AGAP1: variants seen among roughly 807,000 people sequenced by gnomAD.
The protein encoded by AGAP1 is ArfGAP with GTPase domain, ankyrin repeat and PH domain 1, also known as arf-GAP with GTPase, ANK repeat and PH domain-containing protein 1.
A neutral mutation model predicts 105.3 loss-of-function variants in AGAP1; 29 were observed. The ratio of observed to expected loss-of-function variants is 0.28; its 90% confidence interval spans 0.21 to 0.38. The LOEUF (loss-of-function observed/expected upper bound fraction) is 0.38. Ranked by LOEUF, AGAP1 falls within the 10% of genes least tolerant of loss-of-function variation. The pLI, the probability that AGAP1 is intolerant of heterozygous loss-of-function variation, is 1.00. For missense variants in AGAP1, 998 were observed against 1,165.1 expected, an observed-to-expected ratio of 0.86 and a Z score of 2.09; for synonymous variants, 509 against 485.9, an observed-to-expected ratio of 1.05 and a Z score of -0.63.
At chr2:235,856,833 C>G (rs967330356) in intron 9 of AGAP1, among the ~76,000 whole-genome samples, 4 of 152,238 alleles carry the variant, frequency 2.6e-5, no homozygotes, top group African/African-American at 9.6e-5. Flanking sequence ...ACACTCAGAC[C>G]TGAAGGCCTC....
chr2:235,643,036 G>A (rs1268577220), intron 1 of AGAP1, among the ~76,000 whole-genome samples: 6 of 152,120 alleles, frequency 3.9e-5, no homozygotes, highest in Non-Finnish European at 7.3e-5. Context: ...TACACAGTTG[G>A]GACAGACTCC....
Position 235,824,657 on chromosome 2 carries a change from T to C in AGAP1, c.1050+17326T>C, listed in dbSNP as rs1958970254. ...TCTGCATGCTCCTTTTCCCCCTTTT[T>C]GTTGTTGCATTCAGTTAACAGTGAC... On this transcript the variant is annotated intron_variant, in intron 9 of 17. Coordinates refer to ENST00000304032, the MANE Select transcript of AGAP1 (RefSeq NM_001037131.3). The surrounding 1 kb of genome is among the most constrained non-coding windows in gnomAD (Gnocchi z 5.2). Among the ~76,000 whole-genome samples, 1 of 152,212 alleles carries C rather than the reference T, an allele frequency of 6.6e-6. No individual in the cohort carries two copies. Among genetic ancestry groups the C allele is most frequent in the South Asian group, 2.1e-4 (1 of 4,830 alleles).
intron 1 of AGAP1, among the ~76,000 whole-genome samples, chr2:235,684,937 G>T (rs775771006): frequency 1.3e-5 from 2 of 152,160 alleles, no homozygotes; most frequent in African/African-American, 2.4e-5. Context: ...TGGCATACAA[G>T]TCACCATGGC....
intron 1 of AGAP1, among the ~76,000 whole-genome samples, chr2:235,532,651 T>C (rs1943082994): frequency 6.6e-6 from 1 of 152,382 alleles, no homozygotes; most frequent in South Asian, 2.1e-4. Context: ...CATGGATGTA[T>C]TGAGATGGAC....
At chr2:235,932,398 C>G (rs1396102946) in intron 12 of AGAP1, among the ~76,000 whole-genome samples, 1 of 152,228 alleles carries the variant, frequency 6.6e-6, no homozygotes, top group African/African-American at 2.4e-5. Context: ...TTAGGAGGAG[C>G]AGAGAGTTCA....
intron 1 of AGAP1, among the ~76,000 whole-genome samples, chr2:235,585,019 CCTT>C (rs771745139): frequency 1.3e-4 from 19 of 150,654 alleles, no homozygotes; most frequent in Admixed American, 9.3e-4. Flanking sequence ...CTTCTTGAAA[CCTT>C]CTTTCTGACT....
intron 1 of AGAP1, among the ~76,000 whole-genome samples, chr2:235,682,545 A>G (rs150780946): frequency 0.028 from 4,195 of 151,764 alleles, 195 homozygotes; most frequent in African/African-American, 0.096. Flanking sequence ...GGGTTTTGCC[A>G]TGTTGGCCAG....
intron 1 of AGAP1, among the ~76,000 whole-genome samples, chr2:235,684,897 G>A (rs923266504): frequency 1.3e-5 from 2 of 152,020 alleles, no homozygotes; most frequent in South Asian, 2.1e-4. Flanking sequence ...TACTGCTTAC[G>A]GTCATGCCCT....
intron 1 of AGAP1, among the ~76,000 whole-genome samples, chr2:235,686,614 GAT>G (rs1380519556): frequency 4.5e-4 from 17 of 37,918 alleles, no homozygotes; most frequent in African/African-American, 2.0e-3. Flanking sequence ...TATACGTGGA[GAT>G]ATAGATATAT....
chr2:235,975,881 C>T (rs997995475), intron 13 of AGAP1, among the ~76,000 whole-genome samples: 3 of 152,180 alleles, frequency 2.0e-5, no homozygotes, highest in South Asian at 2.1e-4. Context: ...GCATAATCAA[C>T]AGTAATTTTT....
At chr2:235,672,543 T>G (rs145474137) in intron 1 of AGAP1, among the ~76,000 whole-genome samples, 94 of 152,378 alleles carry the variant, frequency 6.2e-4, no homozygotes, top group Middle Eastern at 3.4e-3. Context: ...TCTTAAAATA[T>G]GAGAACATGA....
rs1478250289 is a variant in AGAP1 at position 235,556,595 on chromosome 2, G to T, written c.163+61746G>T. ...CAGGAGCCTTCTGCTGAGTTCAGTGGAAGGTGGTCTTCCTTTCCAATACTC... is the reference window on the plus strand; with the variant it reads ...CAGGAGCCTTCTGCTGAGTTCAGTGTAAGGTGGTCTTCCTTTCCAATACTC... On this transcript the variant is annotated intron_variant, in intron 1 of 17. Coordinates refer to ENST00000304032, the MANE Select transcript of AGAP1 (RefSeq NM_001037131.3). The surrounding 1 kb of genome is among the most constrained non-coding windows in gnomAD (Gnocchi z 5.3). Among the ~76,000 whole-genome samples, 1 of 152,220 alleles carries T rather than the reference G, an allele frequency of 6.6e-6. No individual in the cohort carries two copies. Among genetic ancestry groups the T allele is most frequent in the Non-Finnish European group, 1.5e-5 (1 of 68,040 alleles).
chr2:235,509,796 T>C (rs1003732292), intron 1 of AGAP1, among the ~76,000 whole-genome samples: 1 of 152,138 alleles, frequency 6.6e-6, no homozygotes, highest in Non-Finnish European at 1.5e-5. Context: ...CTCTGGGCCA[T>C]GGACCAGTAC....
At position 235,586,268 on chromosome 2, in the gene AGAP1, C is replaced by T. The variant is rs1035839925; in HGVS notation, c.163+91419C>T. The stretch of plus-strand genomic sequence containing the variant: ...CCAGAAGAGAGGAGAGAGAAGCCCG[C>T]TGCACTCTCCACTGACCAGACCACC... On this transcript the variant is annotated intron_variant, in intron 1 of 17. Coordinates refer to ENST00000304032, the MANE Select transcript of AGAP1 (RefSeq NM_001037131.3). The surrounding 1 kb of genome is among the most constrained non-coding windows in gnomAD (Gnocchi z 4.2). Among the ~76,000 whole-genome samples the T allele has an allele frequency of 6.6e-5, 10 of 152,220 alleles. No individual in the cohort carries two copies. The highest frequency in any genetic ancestry group is 2.9e-5 in the Non-Finnish European group (2 of 68,032).
Position 235,843,381 on chromosome 2 carries a change from G to C in AGAP1, c.1050+36050G>C, listed in dbSNP as rs575883541. On this transcript the variant is annotated intron_variant, in intron 9 of 17. Coordinates refer to ENST00000304032, the MANE Select transcript of AGAP1 (RefSeq NM_001037131.3). The surrounding 1 kb of genome is among the most constrained non-coding windows in gnomAD (Gnocchi z 5.9). ...TCTTCCTTTCTTTGAGTTCATTTCA[G>C]AATTCCTCCTCGGTGTCTGCTTATT... 2.6e-5 allele frequency among the ~76,000 whole-genome samples: 4 copies of C among 152,102 alleles called. No homozygotes were observed. Among genetic ancestry groups the C allele is most frequent in the Admixed American group, 6.5e-5 (1 of 15,284 alleles).
At chr2:235,853,450 G>T (rs1346771405) in intron 9 of AGAP1, among the ~76,000 whole-genome samples, 1 of 152,144 alleles carries the variant, frequency 6.6e-6, no homozygotes, top group African/African-American at 2.4e-5. Context: ...CAATACCCTA[G>T]GGATGCGGCA....
rs13427292 is a variant in AGAP1, at chr2:235,837,463, C to T, written c.1050+30132C>T. Among the ~76,000 whole-genome samples, 774 of 152,292 alleles carry T rather than the reference C, an allele frequency of 5.1e-3. 4 individuals are homozygous for T. The highest frequency in any genetic ancestry group is 0.018 in the African/African-American group (744 of 41,560). On this transcript the variant is annotated intron_variant, in intron 9 of 17. Transcript: ENST00000304032. ...AGAACAGCTGGGAAGGTGGGGAGGG[C>T]TGCTAGGTCCAGGGCCCTAAGCCAT...
Position 235,654,422 on chromosome 2 carries a change from A to G in AGAP1, c.164-54757A>G, listed in dbSNP as rs140307043. On this transcript the variant is annotated intron_variant, in intron 1 of 17. Transcript: ENST00000304032. ...GCAAGATAAGGGAAACAGATTTTCCAATTGGATATTTTAATAAATGATGGC... is the reference window on the plus strand; with the variant it reads ...GCAAGATAAGGGAAACAGATTTTCCGATTGGATATTTTAATAAATGATGGC... Among the ~76,000 whole-genome samples the G allele has an allele frequency of 8.6e-3, 1,315 of 152,336 alleles. 8 individuals are homozygous for G. The highest frequency in any genetic ancestry group is 0.012 in the Non-Finnish European group (799 of 68,026).
Position 235,705,052 on chromosome 2 carries a change from C to T in AGAP1, c.164-4127C>T, listed in dbSNP as rs1950470683. Among the ~76,000 whole-genome samples, 1 of 135,712 alleles carries T rather than the reference C, an allele frequency of 7.4e-6. No homozygotes were observed. Among genetic ancestry groups the T allele is most frequent in the African/African-American group, 2.8e-5 (1 of 36,094 alleles). 89.0% of individuals were successfully genotyped at this position (135,712 alleles called of 152,430 possible). Reference sequence around the variant, plus strand: ...GGAGTGCAATGGTGGGATCTCGGCTCGCTGCAACCTCTACCTCCCGGGTTC... The same window carrying T: ...GGAGTGCAATGGTGGGATCTCGGCTTGCTGCAACCTCTACCTCCCGGGTTC... On this transcript the variant is annotated intron_variant, in intron 1 of 17. Coordinates refer to ENST00000304032, the MANE Select transcript of AGAP1 (RefSeq NM_001037131.3). This position sits in a 1 kb window ranked among gnomAD's most constrained non-coding sequence, Gnocchi z 4.9.
Sources: allele counts gnomAD v4.1 joint callset (sites outside exome capture counted in the v4.1 genomes callset), GRCh38; gene constraint gnomAD v4.1.1; non-coding constraint Gnocchi (gnomAD v3.1); transcripts MANE v1.5; gene names NCBI Gene and HGNC (gene_info 2026-07-23, HGNC 2026-07-21).